GABRG3: variants seen among roughly 807,000 people sequenced by gnomAD.
GABRG3 encodes gamma-aminobutyric acid type A receptor subunit gamma3.
In GABRG3, 25 loss-of-function variants were observed where a neutral mutation model predicts 48.8. The observed-to-expected ratio is 0.51, with a 90% CI of 0.37 to 0.72. The LOEUF is 0.72. GABRG3 is among the 30% of genes least tolerant of loss of function. GABRG3 has a pLI of 0.00. For missense variants in GABRG3, 394 were observed against 577.9 expected, an observed-to-expected ratio of 0.68 and a Z score of 3.26; for synonymous variants, 227 against 217.6, an observed-to-expected ratio of 1.04 and a Z score of -0.38.
At chr15:27,132,473 T>G (rs12902256) in intron 3 of GABRG3, among the ~76,000 whole-genome samples, 12,117 of 102,414 alleles carry the variant, frequency 0.12, 2,892 homozygotes, top group Non-Finnish European at 0.18. Context: ...TAGTTACAGT[T>G]TTTTTTTTTT....
intron 3 of GABRG3, among the ~76,000 whole-genome samples, chr15:27,151,448 T>G (rs1456368759): frequency 6.6e-6 from 1 of 152,060 alleles, no homozygotes; most frequent in Non-Finnish European, 1.5e-5. Flanking sequence ...GCGAGTAGTA[T>G]TCCGTAGTAT....
At chr15:27,280,155 G>A (rs1053794378) in intron 3 of GABRG3, among the ~76,000 whole-genome samples, 1 of 151,218 alleles carries the variant, frequency 6.6e-6, no homozygotes, top group Admixed American at 6.6e-5. Context: ...GATTTCTGCT[G>A]TGATTTTTAT....
intron 3 of GABRG3, among the ~76,000 whole-genome samples, chr15:27,087,694 TGG>T (rs1234953075): frequency 6.6e-6 from 1 of 151,288 alleles, no homozygotes; most frequent in Non-Finnish European, 1.5e-5. Context: ...AATGTATGAG[TGG>T]GGGTGTGTAC....
At chr15:27,145,315 T>A (rs1458426571) in intron 3 of GABRG3, among the ~76,000 whole-genome samples, 2 of 151,722 alleles carry the variant, frequency 1.3e-5, no homozygotes, top group African/African-American at 4.8e-5. Flanking sequence ...AAGAAAGACA[T>A]CTCACCAAAT....
intron 3 of GABRG3, among the ~76,000 whole-genome samples, chr15:27,214,407 T>C (rs866112698): frequency 6.6e-6 from 1 of 152,206 alleles, no homozygotes; most frequent in Admixed American, 6.5e-5. Flanking sequence ...TGGTCCCTTT[T>C]CCTAAAGGCA....
At chr15:27,137,984 CA>C (rs1674356117) in intron 3 of GABRG3, among the ~76,000 whole-genome samples, 1 of 152,152 alleles carries the variant, frequency 6.6e-6, no homozygotes, top group Non-Finnish European at 1.5e-5. Flanking sequence ...ACAGCACTTT[CA>C]AAAATATCTT....
chr15:27,501,862 G>A (rs1890648750), intron 6 of GABRG3, among the ~76,000 whole-genome samples: 1 of 152,062 alleles, frequency 6.6e-6, no homozygotes. Flanking sequence ...CTACAAGCAG[G>A]AGAAGAGTGT....
At chr15:27,283,294 A>T (rs1219166439) in intron 3 of GABRG3, among the ~76,000 whole-genome samples, 1 of 152,102 alleles carries the variant, frequency 6.6e-6, no homozygotes, top group Non-Finnish European at 1.5e-5. Context: ...ATGGAGTAGG[A>T]TGTCTACTAG....
intron 7 of GABRG3, among the ~76,000 whole-genome samples, chr15:27,524,156 T>C (rs1229675449): frequency 6.6e-6 from 1 of 152,024 alleles, no homozygotes; most frequent in Non-Finnish European, 1.5e-5. Context: ...CTTGCCTATA[T>C]AGAAAAAACA....
rs1566981531 is a variant in GABRG3 at position 27,254,788 on chromosome 15, A to G, written c.271-72021A>G. 2.0e-5 allele frequency among the ~76,000 whole-genome samples: 3 copies of G among 152,156 alleles called. No homozygotes were observed. In the South Asian group the frequency reaches 6.2e-4, roughly 32 times the overall value. On this transcript the variant is annotated intron_variant, in intron 3 of 9. Coordinates refer to ENST00000615808, the MANE Select transcript of GABRG3 (RefSeq NM_033223.5). ...TGGGGGGGACACAAACACCCAGGTC[A>G]TAGCACTGCTCTGTGGAAATAGAGC...
At chr15:27,001,359 G>A (rs557938107) in intron 2 of GABRG3, among the ~76,000 whole-genome samples, 17 of 152,212 alleles carry the variant, frequency 1.1e-4, no homozygotes, top group African/African-American at 4.1e-4. Context: ...AGGTGGGCCA[G>A]TGGAGCCACT....
intron 3 of GABRG3, among the ~76,000 whole-genome samples, chr15:27,139,857 C>G (rs1566945237): frequency 1.3e-5 from 2 of 152,098 alleles, no homozygotes; most frequent in Non-Finnish European, 2.9e-5. Flanking sequence ...AGCCCCACCC[C>G]CAACCACTGG....
chr15:27,004,852 G>A (rs113428883), intron 2 of GABRG3, among the ~76,000 whole-genome samples: 12 of 152,226 alleles, frequency 7.9e-5, no homozygotes, highest in Admixed American at 5.2e-4. Context: ...ACTGGCCTAC[G>A]ACTGATGACT....
intron 3 of GABRG3, among the ~76,000 whole-genome samples, chr15:27,244,660 G>A (rs1431635354): frequency 1.3e-5 from 2 of 152,140 alleles, no homozygotes; most frequent in Non-Finnish European, 2.9e-5. Context: ...GCGTGTTCCT[G>A]TAGTCCCAGC....
At chr15:27,349,435 C>T (rs1272361997) in intron 5 of GABRG3, among the ~76,000 whole-genome samples, 1 of 152,086 alleles carries the variant, frequency 6.6e-6, no homozygotes, top group Non-Finnish European at 1.5e-5. Flanking sequence ...GGGATTATGC[C>T]ATTTCTTCGA....
At chr15:27,182,155 C>T (rs1887951182) in intron 3 of GABRG3, among the ~76,000 whole-genome samples, 1 of 152,100 alleles carries the variant, frequency 6.6e-6, no homozygotes, top group Admixed American at 6.6e-5. Context: ...AATTTCACAT[C>T]AGCTCTGGGG....
intron 3 of GABRG3, among the ~76,000 whole-genome samples, chr15:27,309,220 C>CGT (rs1892908073): frequency 6.6e-6 from 1 of 150,608 alleles, no homozygotes; most frequent in Non-Finnish European, 1.5e-5. Context: ...TGTATAGAAA[C>CGT]ATAATGTAAA....
chr15:27,276,796 C>T (rs140350115), intron 3 of GABRG3, among the ~76,000 whole-genome samples: 441 of 152,210 alleles, frequency 2.9e-3, no homozygotes, highest in African/African-American at 9.7e-3. Context: ...AAAGCAAAGT[C>T]GAAGCAGGCT....
intron 3 of GABRG3, among the ~76,000 whole-genome samples, chr15:27,042,197 C>T (rs1279371798): frequency 1.3e-5 from 2 of 152,184 alleles, no homozygotes; most frequent in Non-Finnish European, 2.9e-5. Flanking sequence ...CAGCATTTGT[C>T]CCCTAGACCA....
Sources: gnomAD v4.1 joint callset for allele counts (sites outside exome capture counted in the v4.1 genomes callset) on GRCh38, gnomAD v4.1.1 for gene constraint, MANE v1.5 for transcripts, NCBI Gene and HGNC (gene_info 2026-07-23, HGNC 2026-07-21) for gene names.